NRG1: variants seen among roughly 807,000 people sequenced by gnomAD.
NRG1 encodes the protein pro-neuregulin-1, membrane-bound isoform.
A neutral mutation model predicts 63.8 loss-of-function variants in NRG1; 18 were observed. The ratio of observed to expected loss-of-function variants is 0.28; its 90% CI spans 0.19 to 0.42. The LOEUF (loss-of-function observed/expected upper bound fraction) is 0.42, where lower values mean the gene tolerates loss of function less well. Among genes scored for constraint, NRG1 ranks in the 10% least tolerant of loss-of-function variants. NRG1 has a pLI of 1.00. For synonymous variants in NRG1, 302 were observed against 301.3 expected, an observed-to-expected ratio of 1.00 and a Z score of -0.02; for missense variants, 762 against 814.7, an observed-to-expected ratio of 0.94 and a Z score of 0.79.
chr8:31,765,059 A>G (rs1160327428), intron 1 of NRG1, among the ~76,000 whole-genome samples: 2 of 151,916 alleles, frequency 1.3e-5, no homozygotes. Flanking sequence ...CTATTGTTAT[A>G]TTTATTATAC....
intron 1 of NRG1, among the ~76,000 whole-genome samples, chr8:32,298,915 T>C (rs1262043802): frequency 6.8e-6 from 1 of 146,620 alleles, no homozygotes; most frequent in Non-Finnish European, 1.5e-5. Context: ...TAGTCCCAGC[T>C]ACTCAGGAGG....
intron 1 of NRG1, among the ~76,000 whole-genome samples, chr8:32,389,759 C>CTTT (rs201406660): frequency 1.4e-5 from 2 of 145,728 alleles, no homozygotes. Context: ...GTCTTTCTTT[C>CTTT]TTTTTTTTTT....
In NRG1 at chr8:32,091,450, C is replaced by T. The variant is rs773142111; in HGVS notation, c.37+452019C>T. On this transcript the variant is annotated intron_variant, in intron 1 of 10. Transcript: ENST00000519301. ...AATGAGTAAAATAAGATGGTAGTGC[C>T]GTGTGTTGATATTGTGAACTTTACA... Among the ~76,000 whole-genome samples the T allele has an allele frequency of 5.4e-4, 82 of 152,090 alleles. 1 individual carries two copies. Among genetic ancestry groups the T allele is most frequent in the Non-Finnish European group, 9.6e-4 (65 of 67,978 alleles).
At chr8:32,110,229 G>T (rs1475574835) in intron 1 of NRG1, among the ~76,000 whole-genome samples, 1 of 152,138 alleles carries the variant, frequency 6.6e-6, no homozygotes, top group Non-Finnish European at 1.5e-5. Flanking sequence ...AGAGAGAAAT[G>T]ATTGTCAACA....
At chr8:32,280,361 C>T (rs1472309567) in intron 1 of NRG1, among the ~76,000 whole-genome samples, 1 of 152,182 alleles carries the variant, frequency 6.6e-6, no homozygotes, top group East Asian at 1.9e-4. Context: ...AGTCAAGAAA[C>T]TGGAAATAAG....
At chr8:31,877,771 A>G (rs972142820) in intron 1 of NRG1, among the ~76,000 whole-genome samples, 2 of 152,074 alleles carry the variant, frequency 1.3e-5, no homozygotes, top group African/African-American at 2.4e-5. Flanking sequence ...TTATCATCTC[A>G]ATGACTAGTA....
chr8:32,092,777 G>A (rs925752067), intron 1 of NRG1, among the ~76,000 whole-genome samples: 2 of 152,128 alleles, frequency 1.3e-5, no homozygotes. Flanking sequence ...CGGAGATAAA[G>A]AAGTTCCAAT....
At chr8:32,229,515 G>C (rs1432314500) in intron 1 of NRG1, among the ~76,000 whole-genome samples, 1 of 152,100 alleles carries the variant, frequency 6.6e-6, no homozygotes, top group African/African-American at 2.4e-5. Flanking sequence ...TCTCAAGGCA[G>C]TTTCCAGCTC....
Position 32,613,591 on chromosome 8 carries a change from A to C in NRG1, c.401-923A>C, listed in dbSNP as rs566987146. Among the ~76,000 whole-genome samples, 68 of 152,188 alleles carry C rather than the reference A, an allele frequency of 4.5e-4. 1 individual carries two copies. The highest frequency in any genetic ancestry group is 1.6e-3 in the African/African-American group (65 of 41,568). On this transcript the variant is annotated intron_variant, in intron 3 of 11. Coordinates refer to ENST00000356819, the Ensembl canonical transcript of NRG1. ...TGCTTAGGATTCTCGGTTAGATCTC[A>C]TAATTTTTGTACAGTAGATAGTATC...
intron 1 of NRG1, among the ~76,000 whole-genome samples, chr8:31,844,010 G>C (rs1471149992): frequency 2.0e-5 from 3 of 152,100 alleles, no homozygotes; most frequent in Non-Finnish European, 4.4e-5. Context: ...TGTTCAAAGA[G>C]TTTTACCTAT....
intron 1 of NRG1, among the ~76,000 whole-genome samples, chr8:32,435,691 G>T (rs1818705183): frequency 6.6e-6 from 1 of 151,936 alleles, no homozygotes; most frequent in South Asian, 2.1e-4. Flanking sequence ...ACGTTACCAG[G>T]CAATATTTTT....
At chr8:31,876,607 G>A (rs1426964965) in intron 1 of NRG1, among the ~76,000 whole-genome samples, 2 of 152,116 alleles carry the variant, frequency 1.3e-5, no homozygotes, top group Non-Finnish European at 2.9e-5. Flanking sequence ...CACTAGACCA[G>A]TGGGGCTGAG....
chr8:31,702,073 A>G (rs924370054), intron 1 of NRG1, among the ~76,000 whole-genome samples: 3 of 152,208 alleles, frequency 2.0e-5, no homozygotes, highest in African/African-American at 4.8e-5. Context: ...AATCACTGAC[A>G]TAGAGGAGAT....
chr8:31,898,685 C>G (rs1318904814), intron 1 of NRG1, among the ~76,000 whole-genome samples: 1 of 151,998 alleles, frequency 6.6e-6, no homozygotes, highest in African/African-American at 2.4e-5. Flanking sequence ...GCCTGGGTGA[C>G]AGAGCAAAAA....
chr8:31,973,842 C>A (rs369723291), intron 1 of NRG1, among the ~76,000 whole-genome samples: 3 of 152,166 alleles, frequency 2.0e-5, no homozygotes, highest in East Asian at 1.9e-4. Context: ...CATTAAGATG[C>A]CCAGCATTTA....
intron 1 of NRG1, among the ~76,000 whole-genome samples, chr8:31,941,477 A>G (rs560507446): frequency 1.2e-4 from 19 of 152,184 alleles, no homozygotes; most frequent in African/African-American, 4.3e-4. Flanking sequence ...ATTCCCACTA[A>G]GAACTGGAAC....
intron 1 of NRG1, among the ~76,000 whole-genome samples, chr8:32,077,035 T>A (rs1398179136): frequency 6.6e-6 from 1 of 152,122 alleles, no homozygotes; most frequent in East Asian, 1.9e-4. Flanking sequence ...GTCATTGAGG[T>A]TACACTTAAT....
intron 5 of NRG1, among the ~76,000 whole-genome samples, chr8:32,725,333 A>T (rs1821814663): frequency 6.6e-6 from 1 of 152,094 alleles, no homozygotes; most frequent in African/African-American, 2.4e-5. Flanking sequence ...ACAGCACACC[A>T]CAGGTGGCCC....
chr8:31,875,087 G>T (rs1010331760), intron 1 of NRG1, among the ~76,000 whole-genome samples: 2 of 152,176 alleles, frequency 1.3e-5, no homozygotes, highest in African/African-American at 4.8e-5. Flanking sequence ...ATGCCGTTGA[G>T]GAAGCTGCCT....
Sources: gnomAD v4.1 joint callset for allele counts (sites outside exome capture counted in the v4.1 genomes callset) on GRCh38, gnomAD v4.1.1 for gene constraint, MANE v1.5 for transcripts, NCBI Gene and HGNC (gene_info 2026-07-23, HGNC 2026-07-21) for gene names.